RPTOR: variants seen among roughly 807,000 people sequenced by gnomAD.
The protein encoded by RPTOR is regulatory associated protein of MTOR complex 1.
In RPTOR, 21 loss-of-function variants were observed where a neutral mutation model predicts 169.9. The observed-to-expected ratio is 0.12, with a 90% CI of 0.09 to 0.18. The LOEUF (loss-of-function observed/expected upper bound fraction) is 0.18, where lower values mean the gene tolerates loss of function less well. RPTOR is among the 10% of genes least tolerant of loss of function. The pLI, the probability that RPTOR is intolerant of heterozygous loss-of-function variation, is 1.00. For synonymous variants in RPTOR, 732 were observed against 753.2 expected, an observed-to-expected ratio of 0.97 and a Z score of 0.46; for missense variants, 1,133 against 1,855.9, an observed-to-expected ratio of 0.61 and a Z score of 7.16.
At position 80,949,527 on chromosome 17, in the gene RPTOR, A is replaced by G. The variant is rs775569344; in HGVS notation, c.3350A>G (p.Asp1117Gly). The G allele has an allele frequency of 1.9e-6, 3 of 1,613,884 alleles. No homozygotes were observed. ...GTGACCGCGTGGCAGGGGCTCTCGG[A>G]CATGCTGCCAACGACGCGAGGTGGG... ...EMVTAWQGLS[D>G]MLPTTRGAGM... The change falls in exon 28 of 34, where the codon GAC becomes GGC. Residue 1117 changes from aspartate to glycine, a missense_variant. Physicochemically the swap from Asp to Gly is moderately conservative, Grantham distance 94. Transcript: ENST00000306801.
At chr17:80,780,176 T>C (rs895494208) in intron 6 of RPTOR, among the ~76,000 whole-genome samples, 2 of 152,218 alleles carry the variant, frequency 1.3e-5, no homozygotes, top group Admixed American at 1.3e-4. Flanking sequence ...GTCTGGTTCT[T>C]ATCAGACGAC....
intron 6 of RPTOR, among the ~76,000 whole-genome samples, chr17:80,771,770 G>A (rs997908946): frequency 1.3e-5 from 2 of 152,164 alleles, no homozygotes; most frequent in Non-Finnish European, 2.9e-5. Flanking sequence ...CCCTCAGCCA[G>A]CCACCGCCAT....
chr17:80,891,472 C>T (rs1304115591), intron 17 of RPTOR, among the ~76,000 whole-genome samples: 6 of 152,350 alleles, frequency 3.9e-5, no homozygotes, highest in African/African-American at 7.2e-5. Flanking sequence ...GCGCCTCTAG[C>T]AGTGGGGAGG....
chr17:80,731,876 A>G (rs1346622119), intron 5 of RPTOR, among the ~76,000 whole-genome samples: 2 of 152,244 alleles, frequency 1.3e-5, no homozygotes, highest in East Asian at 1.9e-4. Context: ...ACATGTGTAC[A>G]GTTGAATATT....
chr17:80,781,227 G>T (rs2066938993), intron 6 of RPTOR, among the ~76,000 whole-genome samples: 1 of 152,220 alleles, frequency 6.6e-6, no homozygotes, highest in African/African-American at 2.4e-5. Flanking sequence ...GCAGATGGAG[G>T]ACTGTGCATT....
intron 1 of RPTOR, among the ~76,000 whole-genome samples, chr17:80,581,667 G>T (rs377037527): frequency 6.8e-6 from 1 of 146,218 alleles, no homozygotes; most frequent in African/African-American, 2.6e-5. Flanking sequence ...CTGCAGTGGA[G>T]ACTGCACATC....
rs765671860 is a variant in RPTOR at position 80,643,766 on chromosome 17, A to G, written c.304A>G (p.Ile102Val). Residue 102 changes from isoleucine to valine, a missense_variant, in exon 3 of 34, where the codon ATC (isoleucine) becomes GTC (valine). Transcript: ENST00000306801. ...GGGTCCTCAGAAAGCTCTGGAAACC[A>G]TCGGTGCAAATTTACAGAAGCAGTA... ...SMGPQKALETIGANLQKQYEN... is the reference protein window; with the variant it reads ...SMGPQKALETVGANLQKQYEN... 2 of 1,613,866 alleles carry G rather than the reference A, an allele frequency of 1.2e-6. No homozygotes were observed. Among genetic ancestry groups the G allele is most frequent in the South Asian group, 2.2e-5 (2 of 90,976 alleles).
intron 1 of RPTOR, among the ~76,000 whole-genome samples, chr17:80,604,435 T>A (rs2065213625): frequency 6.6e-6 from 1 of 152,206 alleles, no homozygotes; most frequent in South Asian, 2.1e-4. Flanking sequence ...TCTTCATAAA[T>A]GTAGATAGTA....
At chr17:80,582,219 A>T (rs956510255) in intron 1 of RPTOR, among the ~76,000 whole-genome samples, 2 of 152,214 alleles carry the variant, frequency 1.3e-5, no homozygotes, top group Non-Finnish European at 2.9e-5. Flanking sequence ...GTGGACCTGG[A>T]TTCAGAGGAC....
chr17:80,572,485 C>CT lies in RPTOR; in HGVS notation c.162+26698dup, dbSNP rs1307826782. 2.5e-4 allele frequency among the ~76,000 whole-genome samples: 38 copies of CT among 152,144 alleles called. 1 individual carries two copies. Among genetic ancestry groups the CT allele is most frequent in the African/African-American group, 9.2e-4 (38 of 41,522 alleles). ...GTGTTTTTCTTACTGATTTTAGGAG[C>CT]TTTTATATATTTTGAATATGTATTA... On this transcript the variant is annotated intron_variant, in intron 1 of 33. Transcript: ENST00000306801.
At chr17:80,949,359 G>T in intron 27 of RPTOR, 84 bp from the exon 28 acceptor site, 1 of 1,187,482 alleles carries the variant, frequency 8.4e-7, no homozygotes, top group Non-Finnish European at 1.3e-6. Context: ...ACGTCTGCCA[G>T]GAAGGGCTCT....
intron 1 of RPTOR, among the ~76,000 whole-genome samples, chr17:80,595,098 C>T (rs961831141): frequency 7.9e-5 from 12 of 151,454 alleles, no homozygotes; most frequent in African/African-American, 2.2e-4. Flanking sequence ...GAGAGAGAGA[C>T]GGGGAATGGG....
intron 20 of RPTOR, among the ~76,000 whole-genome samples, chr17:80,894,422 T>A (rs1487086752): frequency 6.6e-6 from 1 of 152,206 alleles, no homozygotes; most frequent in African/African-American, 2.4e-5. Context: ...TCCACACAAC[T>A]TTCCCTCCAT....
chr17:80,824,618 T>C (rs1044293010), intron 9 of RPTOR, among the ~76,000 whole-genome samples: 3 of 151,932 alleles, frequency 2.0e-5, no homozygotes, highest in South Asian at 2.1e-4. Flanking sequence ...AAAAAAAAGC[T>C]GAAGGGGTCA....
chr17:80,803,716 A>C lies in RPTOR; in HGVS notation c.890+12207A>C, dbSNP rs1473614446. 2 of 152,256 alleles carry C rather than the reference A, an allele frequency of 1.3e-5. No individual in the cohort carries two copies. The highest frequency in any genetic ancestry group is 2.9e-5 in the Non-Finnish European group (2 of 68,064). The allele number at this position is 152,256 out of a possible 1,614,324, so 9.4% of individuals were successfully genotyped here. A position where few individuals can be genotyped will look rare whatever the true frequency, so the allele number is the denominator to read the frequency against. On this transcript the variant is annotated intron_variant, in intron 7 of 33. Coordinates refer to ENST00000306801, the MANE Select transcript of RPTOR (RefSeq NM_020761.3). The surrounding 1 kb of genome is among the most constrained non-coding windows in gnomAD (Gnocchi z 6.2). The stretch of plus-strand genomic sequence containing the variant: ...GGGCCTGTCCGAGGCTCTGGAGCCA[A>C]GTCCTTGCTCGTTAACTTACATCCT...
At chr17:80,742,008 C>T (rs1209777751) in intron 5 of RPTOR, among the ~76,000 whole-genome samples, 1 of 152,130 alleles carries the variant, frequency 6.6e-6, no homozygotes, top group Non-Finnish European at 1.5e-5. Flanking sequence ...TTGAGCGGCT[C>T]ACACGAGGAG....
At chr17:80,680,550 A>G (rs868706771) in intron 3 of RPTOR, among the ~76,000 whole-genome samples, 4 of 152,144 alleles carry the variant, frequency 2.6e-5, no homozygotes, top group African/African-American at 9.6e-5. Context: ...AATCGCTTGA[A>G]CCCAGGTGGC....
chr17:80,732,355 T>C (rs1211568279), intron 5 of RPTOR, among the ~76,000 whole-genome samples: 1 of 152,200 alleles, frequency 6.6e-6, no homozygotes. Context: ...CTCCAGCTCA[T>C]GCATAATACC....
At chr17:80,709,455 C>T (rs2066168236) in intron 4 of RPTOR, among the ~76,000 whole-genome samples, 1 of 152,192 alleles carries the variant, frequency 6.6e-6, no homozygotes, top group African/African-American at 2.4e-5. Context: ...GCTGCTGATA[C>T]GCTGGGCGGA....
Sources: allele counts gnomAD v4.1 joint callset (sites outside exome capture counted in the v4.1 genomes callset), GRCh38; gene constraint gnomAD v4.1.1; non-coding constraint Gnocchi (gnomAD v3.1); transcripts MANE v1.5; gene names NCBI Gene and HGNC (gene_info 2026-07-23, HGNC 2026-07-21).